RAB27A: variants seen among roughly 807,000 people sequenced by gnomAD.
The protein encoded by RAB27A is ras-related protein Rab-27A.
RAB27A carries 17 observed loss-of-function variants against 20.8 expected under a neutral mutation model. That is an observed-to-expected ratio of 0.82 (90% CI 0.56 to 1.23). The LOEUF (loss-of-function observed/expected upper bound fraction) is 1.23. RAB27A is among the 50% of genes most tolerant of loss of function. The pLI, the probability that RAB27A is intolerant of heterozygous loss-of-function variation, is 0.00. For synonymous variants in RAB27A, 85 were observed against 92.8 expected, an observed-to-expected ratio of 0.92 and a Z score of 0.48; for missense variants, 277 against 266.7, an observed-to-expected ratio of 1.04 and a Z score of -0.27.
intron 2 of RAB27A, among the ~76,000 whole-genome samples, chr15:55,257,194 T>C (rs1897111295): frequency 6.6e-6 from 1 of 151,852 alleles, no homozygotes; most frequent in Non-Finnish European, 1.5e-5. Flanking sequence ...TGGTATCAGA[T>C]TTTTGGAAGG....
At chr15:55,221,018 A>G (rs1325242445) in intron 6 of RAB27A, among the ~76,000 whole-genome samples, 1 of 152,168 alleles carries the variant, frequency 6.6e-6, no homozygotes, top group Non-Finnish European at 1.5e-5. Context: ...GCTCCTCTCT[A>G]TGAAATACTC....
intron 2 of RAB27A, among the ~76,000 whole-genome samples, chr15:55,311,169 T>C (rs1474290099): frequency 1.3e-5 from 2 of 152,252 alleles, no homozygotes; most frequent in Non-Finnish European, 1.5e-5. Flanking sequence ...GCTGCAGTTA[T>C]GGCAGCACTT....
intron 2 of RAB27A, among the ~76,000 whole-genome samples, chr15:55,301,247 C>A (rs1343852257): frequency 1.3e-5 from 2 of 152,192 alleles, no homozygotes; most frequent in African/African-American, 2.4e-5. Flanking sequence ...CACAAACTAC[C>A]ACGCTCGGCT....
At position 55,213,554 on chromosome 15, in the gene RAB27A, C is replaced by T. The variant is rs558064336; in HGVS notation, c.468-7849G>A. Among the ~76,000 whole-genome samples the T allele has an allele frequency of 1.1e-4, 17 of 152,296 alleles. No homozygotes were observed. In the South Asian group the frequency reaches 2.9e-3, roughly 26 times the overall value. On this transcript the variant is annotated intron_variant, in intron 6 of 6. Coordinates refer to ENST00000336787, the MANE Select transcript of RAB27A (RefSeq NM_183235.3). Reference sequence around the variant, plus strand: ...CAACAGGAGGTAAGCAGGGGGCCAGCGAGCAAGCCAAGTTTCATCTGTATT... The same window carrying T: ...CAACAGGAGGTAAGCAGGGGGCCAGTGAGCAAGCCAAGTTTCATCTGTATT...
intron 2 of RAB27A, among the ~76,000 whole-genome samples, chr15:55,299,546 T>A (rs2054962975): frequency 7.0e-6 from 1 of 143,668 alleles, no homozygotes; most frequent in Non-Finnish European, 1.5e-5. Flanking sequence ...TGAGCCAAGA[T>A]CACACCACTG....
At chr15:55,242,145 G>A (rs911188933) in intron 2 of RAB27A, among the ~76,000 whole-genome samples, 5 of 152,238 alleles carry the variant, frequency 3.3e-5, no homozygotes, top group Admixed American at 2.0e-4. Context: ...GCCATTTTCC[G>A]AAAGCCAAAT....
At chr15:55,209,987 T>C (rs1362544453) in intron 6 of RAB27A, among the ~76,000 whole-genome samples, 2 of 137,310 alleles carry the variant, frequency 1.5e-5, no homozygotes, top group Non-Finnish European at 3.1e-5. Context: ...CATGTACATA[T>C]ATACGCATAT....
chr15:55,210,592 CT>C (rs745480204), intron 6 of RAB27A, among the ~76,000 whole-genome samples: 44 of 152,026 alleles, frequency 2.9e-4, no homozygotes, highest in Admixed American at 1.1e-3. Context: ...CTATTCAGAT[CT>C]TTTGCCTATT....
At chr15:55,231,583 C>T (rs7168799) in intron 3 of RAB27A, among the ~76,000 whole-genome samples, 9,954 of 152,108 alleles carry the variant, frequency 0.065, 1,150 homozygotes, top group African/African-American at 0.23. Flanking sequence ...ATTCCCATCC[C>T]CCTCACTCAA....
chr15:55,231,206 T>A (rs1896019699), intron 3 of RAB27A, among the ~76,000 whole-genome samples: 1 of 152,212 alleles, frequency 6.6e-6, no homozygotes, highest in African/African-American at 2.4e-5. Context: ...ATTTTCTCTA[T>A]CCAATCCACC....
chr15:55,303,822 G>C (rs1190995323), intron 2 of RAB27A, among the ~76,000 whole-genome samples: 1 of 131,856 alleles, frequency 7.6e-6, no homozygotes, highest in African/African-American at 3.2e-5. Flanking sequence ...CAGCCGCCCC[G>C]TCCGGGAGGG....
chr15:55,310,145 T>C (rs1207686996), intron 2 of RAB27A, among the ~76,000 whole-genome samples: 1 of 152,126 alleles, frequency 6.6e-6, no homozygotes. Context: ...TAGAAAAGCA[T>C]GTGAAAAGAG....
chr15:55,291,157 T>G (rs1014658294), upstream of RAB27A, among the ~76,000 whole-genome samples: 1 of 151,984 alleles, frequency 6.6e-6, no homozygotes, highest in Non-Finnish European at 1.5e-5. Flanking sequence ...TCCTAACAGG[T>G]TGATAACTTC....
At chr15:55,316,466 A>C (rs1317112487) in intron 1 of RAB27A, among the ~76,000 whole-genome samples, 5 of 151,686 alleles carry the variant, frequency 3.3e-5, no homozygotes, top group Non-Finnish European at 5.9e-5. Context: ...CATTAGGACA[A>C]ATACCTAATG....
intron 2 of RAB27A, among the ~76,000 whole-genome samples, chr15:55,306,149 T>A (rs1396369573): frequency 6.6e-6 from 1 of 152,206 alleles, no homozygotes; most frequent in African/African-American, 2.4e-5. Flanking sequence ...GGGAGTTGGT[T>A]GTGTCTATCG....
chr15:55,215,218 T>G (rs1895223467), intron 6 of RAB27A, among the ~76,000 whole-genome samples: 1 of 152,234 alleles, frequency 6.6e-6, no homozygotes, highest in Non-Finnish European at 1.5e-5. Flanking sequence ...CAGCCTCATT[T>G]GATTCCTTAA....
chr15:55,244,446 C>G (rs1341303191), intron 2 of RAB27A, among the ~76,000 whole-genome samples: 2 of 152,110 alleles, frequency 1.3e-5, no homozygotes, highest in Non-Finnish European at 2.9e-5. Flanking sequence ...GGGATCACAG[C>G]AGTGCACAAC....
Position 55,272,282 on chromosome 15 carries a change from C to T in RAB27A, c.-142-1998G>A, listed in dbSNP as rs1897731517. Among the ~76,000 whole-genome samples the T allele has an allele frequency of 3.9e-5, 6 of 152,114 alleles. No homozygotes were observed. The South Asian group carries it at 1.2e-3, about 32-fold the overall frequency. The stretch of plus-strand genomic sequence containing the variant: ...GGTGTGGTGGCGGGCGCCTGTAGTC[C>T]CAGCTACCCGGGAGGCTGAGGCAGG... On this transcript the variant is annotated intron_variant, in intron 1 of 6. Transcript: ENST00000336787.
chr15:55,206,945 GA>G (rs200331337), intron 6 of RAB27A, among the ~76,000 whole-genome samples: 1 of 151,946 alleles, frequency 6.6e-6, no homozygotes, highest in East Asian at 1.9e-4. Context: ...GTTAGCATCC[GA>G]AAAAATAATT....
Sources: gnomAD v4.1 joint callset for allele counts (sites outside exome capture counted in the v4.1 genomes callset) on GRCh38, gnomAD v4.1.1 for gene constraint, MANE v1.5 for transcripts, NCBI Gene and HGNC (gene_info 2026-07-23, HGNC 2026-07-21) for gene names.